The following LRIG3 variants were observed in gnomAD, a reference collection of about 807,000 sequenced individuals.
LRIG3 encodes leucine rich repeats and immunoglobulin like domains 3.
A neutral mutation model predicts 114.5 loss-of-function variants in LRIG3; 76 were observed. The observed-to-expected ratio is 0.66, with a 90% CI of 0.55 to 0.80. The LOEUF is 0.80. Among genes scored for constraint, LRIG3 ranks in the 30% least tolerant of loss-of-function variants. The pLI is 0.00. For missense variants in LRIG3, 1,239 were observed against 1,382.8 expected (o/e 0.90, Z 1.65); for synonymous variants, 512 against 519.8 (o/e 0.98, Z 0.20).
rs572808152 is a variant in LRIG3 at position 58,906,778 on chromosome 12, G to T, written c.383+7204C>A. Among the ~76,000 whole-genome samples the T allele has an allele frequency of 7.2e-5, 11 of 152,148 alleles. No homozygotes were observed. The South Asian group carries it at 2.1e-3, about 29-fold the overall frequency. ...AACAGCTCCAGGGGTCAATGGAAAA[G>T]AGGCATTTGGCAAGTCAAAATTATT... On this transcript the variant is annotated intron_variant, in intron 3 of 18. Transcript: ENST00000320743.
intron 1 of LRIG3, chr12:58,919,571 T>A: frequency 6.5e-7 from 1 of 1,543,766 alleles, no homozygotes; most frequent in Non-Finnish European, 8.7e-7. Context: ...AAAAGGAGTC[T>A]GACGCAGCTA....
At chr12:58,880,496 A>G in intron 13 of LRIG3, 85 bp downstream of exon 13, 1 of 1,315,704 alleles carries the variant, frequency 7.6e-7, no homozygotes, top group South Asian at 1.3e-5. Flanking sequence ...AAGAAAAGAC[A>G]GGGTTAAGAT....
At position 58,920,221 on chromosome 12, in the gene LRIG3, G is replaced by C; in HGVS notation, c.15C>G (p.Ser5Arg). MSAP[S>R]LRARAAGLGL... ...CCAACCCCGCGGCGCGCGCACGGAGGCTCGGCGCGCTCATCGCGGTCCAGC... is the reference window on the plus strand; with the variant it reads ...CCAACCCCGCGGCGCGCGCACGGAGCCTCGGCGCGCTCATCGCGGTCCAGC... Residue 5 changes from serine (S) to arginine (R), a missense_variant, in exon 1 of 19, where the codon AGC becomes AGG. Coordinates refer to ENST00000320743, the MANE Select transcript of LRIG3 (RefSeq NM_153377.5). 7.2e-7 allele frequency: 1 copy of C among 1,384,764 alleles called. No homozygotes were observed. Among genetic ancestry groups the C allele is most frequent in the Non-Finnish European group, 9.3e-7 (1 of 1,079,798 alleles). The allele number at this position is 1,384,764 out of a possible 1,614,324, so 85.8% of individuals were successfully genotyped here.
chr12:58,899,589 T>G (rs562641042), intron 3 of LRIG3, among the ~76,000 whole-genome samples: 2 of 152,306 alleles, frequency 1.3e-5, no homozygotes, highest in East Asian at 3.9e-4. Context: ...CATAGTACCC[T>G]TTCTTTTCTC....
chr12:58,886,720 T>C (rs1871286968), intron 9 of LRIG3, 90 bp downstream of exon 9: 1 of 1,057,366 alleles, frequency 9.5e-7, no homozygotes, highest in African/African-American at 1.6e-5. Flanking sequence ...TTCTCATCTC[T>C]TCATGATGTC....
chr12:58,897,612 A>T (rs891532040), intron 3 of LRIG3, among the ~76,000 whole-genome samples: 4 of 152,184 alleles, frequency 2.6e-5, no homozygotes, highest in African/African-American at 7.2e-5. Flanking sequence ...CAATAAAAGA[A>T]AAATAAGTCA....
In LRIG3 at chr12:58,887,940, GAA is replaced by G. The variant is rs1853780718; in HGVS notation, c.948-10_948-9del. On this transcript the variant is annotated splice_polypyrimidine_tract_variant and intron_variant, in intron 7 of 18. Coordinates refer to ENST00000320743, the MANE Select transcript of LRIG3 (RefSeq NM_153377.5). ...TGATTGAAAGTTAGGTCCCTGTAAAGAAAAAAGAGAAAAGCAATAGCTTTTAT... is the reference window on the plus strand; with the variant it reads ...TGATTGAAAGTTAGGTCCCTGTAAAGAAAAGAGAAAAGCAATAGCTTTTAT... 6.3e-7 allele frequency: 1 copy of G among 1,598,544 alleles called. No homozygotes were observed. Among genetic ancestry groups the G allele is most frequent in the Non-Finnish European group, 8.5e-7 (1 of 1,174,444 alleles).
chr12:58,917,144 T>C (rs1416697800), intron 1 of LRIG3, among the ~76,000 whole-genome samples: 1 of 150,468 alleles, frequency 6.6e-6, no homozygotes, highest in African/African-American at 2.4e-5. Flanking sequence ...CACCCCCAAC[T>C]GTGGTCCGGA....
At chr12:58,874,765 T>C (rs1870861894) in intron 16 of LRIG3, among the ~76,000 whole-genome samples, 192 bp from the exon 17 acceptor site, 2 of 152,224 alleles carry the variant, frequency 1.3e-5, no homozygotes, top group Admixed American at 1.3e-4. Flanking sequence ...GTGCTAGGTG[T>C]GGTGGCCTTA....
intron 3 of LRIG3, among the ~76,000 whole-genome samples, chr12:58,908,336 T>C (rs1256603389): frequency 1.3e-5 from 2 of 152,222 alleles, no homozygotes; most frequent in East Asian, 3.8e-4. Flanking sequence ...GAGGAGGGTT[T>C]TGTCACTGTT....
At position 58,872,479 on chromosome 12, in the gene LRIG3, A is replaced by G. The variant is rs528820606; in HGVS notation, c.*93T>C. On this transcript the variant is annotated 3_prime_UTR_variant, in exon 19 of 19. Transcript: ENST00000320743. ...AAGCATTTTTATCCTTTTAAAATTC[A>G]TAACTCCATTTAAAAAACATAAGAT... The G allele has an allele frequency of 5.9e-6, 8 of 1,359,122 alleles. No homozygotes were observed. Among genetic ancestry groups the G allele is most frequent in the African/African-American group, 1.5e-5 (1 of 68,896 alleles). 84.2% of individuals were successfully genotyped at this position (1,359,122 alleles called of 1,614,324 possible). A position where few individuals can be genotyped will look rare whatever the true frequency, so the allele number is the denominator to read the frequency against.
In LRIG3 at chr12:58,872,727, A is replaced by T. The variant is rs1870780213; in HGVS notation, c.3205T>A (p.Leu1069Met). ...AAGTCTGGGGAAGAATGAGCTTTCAAATAAAAGGCTCTTGGCTGACAATCT... is the reference window on the plus strand; with the variant it reads ...AAGTCTGGGGAAGAATGAGCTTTCATATAAAAGGCTCTTGGCTGACAATCT... ...PSDCQPRAFY[L>M]KAHSSPDLDS... The change falls in exon 19 of 19, where the codon TTG becomes ATG. Residue 1069 changes from leucine (L) to methionine (M), a missense_variant. Leu to Met is a conservative substitution (Grantham distance 15). Coordinates refer to ENST00000320743, the MANE Select transcript of LRIG3 (RefSeq NM_153377.5). 1 of 1,614,116 alleles carries T rather than the reference A, an allele frequency of 6.2e-7. No homozygotes were observed. The highest frequency in any genetic ancestry group is 8.5e-7 in the Non-Finnish European group (1 of 1,179,986).
Position 58,890,048 on chromosome 12 carries a change from G to C in LRIG3, c.607C>G (p.Arg203Gly). 6.2e-7 allele frequency: 1 copy of C among 1,613,762 alleles called. No individual in the cohort carries two copies. The highest frequency in any genetic ancestry group is 8.5e-7 in the Non-Finnish European group (1 of 1,179,804). Residue 203 changes from arginine to glycine, a missense_variant, in exon 5 of 19, where the codon CGA becomes GGA. Coordinates refer to ENST00000320743, the MANE Select transcript of LRIG3 (RefSeq NM_153377.5). ...TLLVLKLNRNRISAIPPKMFK... is the reference protein window; with the variant it reads ...TLLVLKLNRNGISAIPPKMFK... ...ATCTTGGGTGGGATAGCTGAGATTC[G>C]GTTCCTGTTCAGCTTTAACACAAGG...
At chr12:58,898,639 T>G (rs1197960880) in intron 3 of LRIG3, among the ~76,000 whole-genome samples, 1 of 152,184 alleles carries the variant, frequency 6.6e-6, no homozygotes, top group Non-Finnish European at 1.5e-5. Flanking sequence ...GTGTATAGTT[T>G]AGGTTATTAA....
intron 7 of LRIG3, among the ~76,000 whole-genome samples, 162 bp from the exon 8 acceptor site, chr12:58,888,094 A>G (rs1871335152): frequency 6.6e-6 from 1 of 152,250 alleles, no homozygotes. Flanking sequence ...AATTAAAAAA[A>G]TACGTTCTCT....
rs934087528 is a variant in LRIG3 at position 58,880,582 on chromosome 12, A to G, written c.1800T>C (p.Asn600=). The stretch of plus-strand genomic sequence containing the variant: ...TAAAGGAAAAGTCAGATCACATACT[A>G]TTTACTGTAAGCTTGGCTTTGACAG... ...SYSVKAKLTV[N]MLPSFTKTPM... Residue 600 remains asparagine (N), a splice_region_variant and synonymous_variant, in exon 13 of 19, where the codon AAT becomes AAC. Coordinates refer to ENST00000320743, the MANE Select transcript of LRIG3 (RefSeq NM_153377.5). The G allele has an allele frequency of 6.2e-7, 1 of 1,609,966 alleles. No homozygotes were observed. Among genetic ancestry groups the G allele is most frequent in the Non-Finnish European group, 8.5e-7 (1 of 1,176,604 alleles).
intron 14 of LRIG3, 46 bp downstream of exon 14, chr12:58,878,778 T>C: frequency 2.6e-6 from 4 of 1,567,850 alleles, no homozygotes; most frequent in Non-Finnish European, 3.5e-6. Context: ...TGAGCTAGTA[T>C]CTTCAAGACT....
Position 58,877,397 on chromosome 12 carries a change from C to T in LRIG3, c.2536+3G>A. The T allele has an allele frequency of 6.2e-7, 1 of 1,612,958 alleles. No individual in the cohort carries two copies. The highest frequency in any genetic ancestry group is 1.1e-5 in the South Asian group (1 of 91,038). ...GACCTGTGCCAAGCTTCTGTTTACA[C>T]ACCTGTGTTGGTAATGCTGCAATCT... On this transcript the variant is annotated splice_donor_region_variant and intron_variant, in intron 15 of 18. Coordinates refer to ENST00000320743, the MANE Select transcript of LRIG3 (RefSeq NM_153377.5).
intron 3 of LRIG3, among the ~76,000 whole-genome samples, chr12:58,908,638 C>T (rs1872159300): frequency 6.6e-6 from 1 of 152,070 alleles, no homozygotes; most frequent in African/African-American, 2.4e-5. Flanking sequence ...TTATTATTTT[C>T]TCAAGCATGC....
Sources: gnomAD v4.1 joint callset for allele counts (sites outside exome capture counted in the v4.1 genomes callset) on GRCh38, gnomAD v4.1.1 for gene constraint, MANE v1.5 for transcripts, NCBI Gene and HGNC (gene_info 2026-07-23, HGNC 2026-07-21) for gene names.